The following SCAP variants were observed in gnomAD, a reference collection of about 807,000 sequenced individuals.
SCAP encodes the protein sterol regulatory element-binding protein cleavage-activating protein.
In SCAP, 65 loss-of-function variants were observed where a neutral mutation model predicts 123.6. That is an observed-to-expected ratio of 0.53 (90% CI 0.43 to 0.65). The LOEUF (loss-of-function observed/expected upper bound fraction) is 0.65. SCAP is among the 30% of genes least tolerant of loss of function. The pLI, the probability that SCAP is intolerant of heterozygous loss-of-function variation, is 0.00. For synonymous variants in SCAP, 740 were observed against 726.3 expected, an observed-to-expected ratio of 1.02 and a Z score of -0.30; for missense variants, 1,398 against 1,712.5, an observed-to-expected ratio of 0.82 and a Z score of 3.24.
chr3:47,413,998 C>T lies in SCAP; in HGVS notation c.3696G>A (p.Leu1232=), dbSNP rs946315837. The stretch of plus-strand genomic sequence containing the variant: ...TCTTCCCCAGGTAGACTGTCTGTAA[C>T]AGGTCCCCGTAGTTTAGGTCCCAAA... The part of the protein sequence containing the change: ...VSFWDLNYGD[L]LQTVYLGKNS... Residue 1232 remains leucine, a synonymous_variant, in exon 23 of 23, where the codon CTG becomes CTA. Transcript: ENST00000265565. The T allele has an allele frequency of 4.3e-6, 7 of 1,613,342 alleles. No individual in the cohort carries two copies. The highest frequency in any genetic ancestry group is 1.6e-4 in the Middle Eastern group (1 of 6,062).
chr3:47,421,304 G>A (rs1037338394), intron 10 of SCAP: 9 of 411,630 alleles, frequency 2.2e-5, no homozygotes, highest in Non-Finnish European at 3.7e-5. Context: ...CCCTCTAGAG[G>A]GGACTGAAGG....
chr3:47,418,662 G>A lies in SCAP; in HGVS notation c.2122C>T (p.Leu708=). The change falls in exon 14 of 23, where the codon CTG becomes TTG. Residue 708 remains leucine (L), a synonymous_variant. Transcript: ENST00000265565. The stretch of plus-strand genomic sequence containing the variant: ...CCCACCCAGCAGCCTTACTTGTACA[G>A]CGTGACGTCTCCATGGGCCTGCACC... The part of the protein sequence containing the change: ...GGVQAHGDVT[L]YKVAALGLAT... 8.4e-7 allele frequency: 1 copy of A among 1,184,860 alleles called. No individual in the cohort carries two copies. The highest frequency in any genetic ancestry group is 1.2e-6 in the Non-Finnish European group (1 of 869,210). The allele number at this position is 1,184,860 out of a possible 1,614,324, so 73.4% of individuals were successfully genotyped here.
At chr3:47,436,032 T>C (rs1706565666) in intron 2 of SCAP, among the ~76,000 whole-genome samples, 1 of 151,122 alleles carries the variant, frequency 6.6e-6, no homozygotes, top group African/African-American at 2.4e-5. Context: ...CTGGGCAACA[T>C]AAGACCCCTG....
At chr3:47,425,693 A>G in intron 7 of SCAP, 82 bp from the exon 8 acceptor site, 1 of 1,488,486 alleles carries the variant, frequency 6.7e-7, no homozygotes, top group Non-Finnish European at 9.2e-7. Flanking sequence ...GGTTGCCCTG[A>G]CAGTCGAGGA....
chr3:47,434,168 C>T (rs540775289), intron 3 of SCAP, among the ~76,000 whole-genome samples: 3 of 152,140 alleles, frequency 2.0e-5, no homozygotes, highest in South Asian at 2.1e-4. Flanking sequence ...CTGACTACTA[C>T]GTTAACCAAA....
At chr3:47,455,987 G>A (rs1459486943) in intron 1 of SCAP, among the ~76,000 whole-genome samples, 2 of 152,156 alleles carry the variant, frequency 1.3e-5, no homozygotes, top group Non-Finnish European at 2.9e-5. Context: ...TACACATATG[G>A]CAAAGTATAC....
At chr3:47,467,976 T>A (rs1707894371) in intron 1 of SCAP, among the ~76,000 whole-genome samples, 1 of 151,948 alleles carries the variant, frequency 6.6e-6, no homozygotes, top group Admixed American at 6.6e-5. Context: ...GGTGTTTGGT[T>A]TTCTGTCCTT....
chr3:47,421,101 G>A (rs1235407999), intron 10 of SCAP, 72 bp from the exon 11 acceptor site: 21 of 1,163,474 alleles, frequency 1.8e-5, no homozygotes, highest in South Asian at 1.2e-4. Flanking sequence ...AGCAGTACCC[G>A]GACTGCAGCC....
chr3:47,431,200 A>G (rs1035990588), intron 3 of SCAP, among the ~76,000 whole-genome samples: 1 of 6,982 alleles, frequency 1.4e-4, no homozygotes, highest in African/African-American at 2.3e-4. Flanking sequence ...GGAAAGGAGC[A>G]CTAACCTGGT....
chr3:47,442,827 C>T (rs1414616365), intron 2 of SCAP, 45 bp downstream of exon 2: 20 of 1,576,106 alleles, frequency 1.3e-5, no homozygotes, highest in Non-Finnish European at 1.7e-5. Flanking sequence ...AACCTACTGT[C>T]CTAAGACACT....
Position 47,414,266 on chromosome 3 carries a change from T to C in SCAP, c.3508A>G (p.Thr1170Ala), listed in dbSNP as rs777819308. The change falls in exon 22 of 23, where the codon ACC becomes GCC. Residue 1170 changes from threonine (T) to alanine (A), a missense_variant. Physicochemically the swap from Thr to Ala is moderately conservative, Grantham distance 58. This residue lies in a region of SCAP where 130 missense variants were observed against 166.7 expected (regional missense o/e 0.78). Transcript: ENST00000265565. ...RGDVTSLTCTTSCVISSGLDD... is the reference protein window; with the variant it reads ...RGDVTSLTCTASCVISSGLDD... ...AGGCCACTGCTGATGACACAGGAGGTGGTACAGGTAAGGGAGGTGACATCC... is the reference window on the plus strand; with the variant it reads ...AGGCCACTGCTGATGACACAGGAGGCGGTACAGGTAAGGGAGGTGACATCC... The C allele has an allele frequency of 1.9e-6, 3 of 1,613,138 alleles. No homozygotes were observed. In the African/African-American group the frequency reaches 4.0e-5, roughly 22 times the overall value.
chr3:47,416,043 C>T (rs545770810), intron 18 of SCAP, among the ~76,000 whole-genome samples: 10 of 152,356 alleles, frequency 6.6e-5, no homozygotes, highest in Admixed American at 6.5e-4. Flanking sequence ...CCTGTGGTGA[C>T]AGGAATGACG....
rs187447262 is a variant in SCAP at position 47,468,962 on chromosome 3, G to A, written c.-99+6837C>T. ...TGGCTCCTGGATCGATAGTTTCTATGTAGAATAATGAAAACATTCTGGAAA... is the reference window on the plus strand; with the variant it reads ...TGGCTCCTGGATCGATAGTTTCTATATAGAATAATGAAAACATTCTGGAAA... On this transcript the variant is annotated intron_variant, in intron 1 of 22. Transcript: ENST00000265565. 1.1e-3 allele frequency among the ~76,000 whole-genome samples: 165 copies of A among 152,324 alleles called. 3 individuals are homozygous for A. The East Asian group carries it at 0.031, about 29-fold the overall frequency.
chr3:47,453,942 C>A (rs1205913209), intron 1 of SCAP, among the ~76,000 whole-genome samples: 1 of 152,160 alleles, frequency 6.6e-6, no homozygotes, highest in Admixed American at 6.6e-5. Context: ...CTCTAAACAT[C>A]ATCCTATTCA....
chr3:47,434,750 T>C (rs1483432597), intron 3 of SCAP: 3 of 336,676 alleles, frequency 8.9e-6, no homozygotes, highest in African/African-American at 6.5e-5. Context: ...GGCAGGAGAA[T>C]CACTTGAACC....
intron 10 of SCAP, 70 bp from the exon 11 acceptor site, chr3:47,421,099 C>A: frequency 8.4e-7 from 1 of 1,187,536 alleles, no homozygotes; most frequent in Non-Finnish European, 1.3e-6. Flanking sequence ...GGAGCAGTAC[C>A]CGGACTGCAG....
At chr3:47,453,125 A>C (rs1224218989) in intron 1 of SCAP, among the ~76,000 whole-genome samples, 1 of 152,164 alleles carries the variant, frequency 6.6e-6, no homozygotes, top group Non-Finnish European at 1.5e-5. Flanking sequence ...GACTAGTGAT[A>C]GATATCCAAA....
chr3:47,469,920 G>C (rs1707968816), intron 1 of SCAP: 2 of 468,188 alleles, frequency 4.3e-6, no homozygotes, highest in African/African-American at 2.0e-5. Context: ...TGACCTCTTA[G>C]TTCACTGCCA....
Position 47,452,854 on chromosome 3 carries a change from G to A in SCAP, c.-98-9763C>T, listed in dbSNP as rs186761625. 7.9e-5 allele frequency among the ~76,000 whole-genome samples: 12 copies of A among 151,918 alleles called. No homozygotes were observed. In the East Asian group the frequency reaches 1.9e-3, roughly 25 times the overall value. On this transcript the variant is annotated intron_variant, in intron 1 of 22. Transcript: ENST00000265565. The stretch of plus-strand genomic sequence containing the variant: ...TGTAATCCCAGCAGTTTGGGACACT[G>A]AGGCAGGAAGACTGCTTGAGGCCAG...
Sources: gnomAD v4.1 joint callset for allele counts (sites outside exome capture counted in the v4.1 genomes callset) on GRCh38, gnomAD v4.1.1 for gene constraint, gnomAD v4.1.1 regional missense constraint, MANE v1.5 for transcripts, NCBI Gene and HGNC (gene_info 2026-07-23, HGNC 2026-07-21) for gene names.